The following INPP5A variants were observed in gnomAD, a reference collection of about 807,000 sequenced individuals.
INPP5A encodes the protein inositol polyphosphate-5-phosphatase A, also known as 43 kDa inositol polyphosphate 5-phophatase.
In INPP5A, 14 loss-of-function variants were observed where a neutral mutation model predicts 65.2. The observed-to-expected ratio is 0.21, with a 90% confidence interval of 0.14 to 0.34. The LOEUF (loss-of-function observed/expected upper bound fraction) is 0.34. Ranked by LOEUF, INPP5A falls within the 10% of genes least tolerant of loss-of-function variation. The pLI is 1.00. For synonymous variants in INPP5A, 207 were observed against 208.3 expected, an observed-to-expected ratio of 0.99 and a Z score of 0.05; for missense variants, 431 against 545.6, an observed-to-expected ratio of 0.79 and a Z score of 2.09.
intron 1 of INPP5A, among the ~76,000 whole-genome samples, chr10:132,552,273 G>A (rs1314222002): frequency 7.0e-6 from 1 of 143,694 alleles, no homozygotes; most frequent in Non-Finnish European, 1.5e-5. Context: ...CATATTGAGT[G>A]GGATAGGGAG....
intron 12 of INPP5A, among the ~76,000 whole-genome samples, chr10:132,767,685 G>A (rs1036269001): frequency 6.6e-6 from 1 of 152,080 alleles, no homozygotes; most frequent in African/African-American, 2.4e-5. Flanking sequence ...AGAGCCCCTC[G>A]CGCCCAGTGG....
chr10:132,699,380 G>A (rs951235228), intron 6 of INPP5A, among the ~76,000 whole-genome samples: 4 of 151,750 alleles, frequency 2.6e-5, no homozygotes, highest in African/African-American at 9.7e-5. Flanking sequence ...GGCTGGGCTG[G>A]GCAGGGCCAG....
chr10:132,650,362 T>C lies in INPP5A; in HGVS notation c.219-56T>C. ...CCTCTTATACCTTGTGGTCATCTCA[T>C]GAGGTGCAAGGCGTCTGTGTGGCTT... On this transcript the variant is annotated intron_variant, in intron 3 of 15. Transcript: ENST00000368594. This position sits in a 1 kb window ranked among gnomAD's most constrained non-coding sequence, Gnocchi z 5.5. The C allele has an allele frequency of 8.4e-7, 1 of 1,196,650 alleles. No homozygotes were observed. Among genetic ancestry groups the C allele is most frequent in the Non-Finnish European group, 1.2e-6 (1 of 800,558 alleles). The allele number at this position is 1,196,650 out of a possible 1,614,324, so 74.1% of individuals were successfully genotyped here.
At chr10:132,571,292 C>T (rs1371909387) in intron 1 of INPP5A, among the ~76,000 whole-genome samples, 1 of 152,250 alleles carries the variant, frequency 6.6e-6, no homozygotes, top group Non-Finnish European at 1.5e-5. Context: ...GGAGGAGGGC[C>T]ATTGGCGCAA....
chr10:132,658,647 G>A (rs1259265585), intron 4 of INPP5A, among the ~76,000 whole-genome samples: 1 of 152,158 alleles, frequency 6.6e-6, no homozygotes, highest in Non-Finnish European at 1.5e-5. Flanking sequence ...GGCCCCCCGG[G>A]GGTGCTCATG....
Position 132,650,986 on chromosome 10 carries a change from G to C in INPP5A, c.306+481G>C, listed in dbSNP as rs547686819. Among the ~76,000 whole-genome samples the C allele has an allele frequency of 2.2e-3, 329 of 152,276 alleles. No individual in the cohort carries two copies. The highest frequency in any genetic ancestry group is 3.3e-3 in the Non-Finnish European group (226 of 67,994). On this transcript the variant is annotated intron_variant, in intron 4 of 15. Coordinates refer to ENST00000368594, the MANE Select transcript of INPP5A (RefSeq NM_005539.5). The surrounding 1 kb of genome is among the most constrained non-coding windows in gnomAD (Gnocchi z 5.5). The stretch of plus-strand genomic sequence containing the variant: ...AGGCTGTTCCTCAGGGTGAGCACAG[G>C]GGGAGTGGGACAGAGCCTTCCACAG...
intron 4 of INPP5A, among the ~76,000 whole-genome samples, chr10:132,684,469 C>T (rs1047600637): frequency 4.6e-5 from 7 of 152,104 alleles, no homozygotes; most frequent in Admixed American, 4.6e-4. Flanking sequence ...CATGTGTGTG[C>T]ATGGATGTGT....
intron 12 of INPP5A, among the ~76,000 whole-genome samples, chr10:132,774,366 T>C (rs771374568): frequency 6.6e-6 from 1 of 152,142 alleles, no homozygotes; most frequent in Non-Finnish European, 1.5e-5. Context: ...GGCGTGGTAA[T>C]TGGTTAATAT....
intron 1 of INPP5A, among the ~76,000 whole-genome samples, chr10:132,607,324 C>T (rs1050302541): frequency 6.6e-6 from 1 of 152,204 alleles, no homozygotes; most frequent in Admixed American, 6.5e-5. Context: ...CGTGTGTGCA[C>T]GCCTGTGGCA....
intron 2 of INPP5A, 65 bp from the exon 3 acceptor site, chr10:132,645,803 G>C (rs995104353): frequency 2.4e-6 from 3 of 1,270,368 alleles, no homozygotes; most frequent in African/African-American, 2.9e-5. Flanking sequence ...GGTGGAGGGG[G>C]TGGTGCCACG....
At chr10:132,750,593 G>C (rs1021241588) in intron 11 of INPP5A, among the ~76,000 whole-genome samples, 9 of 152,264 alleles carry the variant, frequency 5.9e-5, no homozygotes, top group Non-Finnish European at 1.5e-5. Context: ...CATTTTTAAT[G>C]TATTTACAAA....
intron 1 of INPP5A, among the ~76,000 whole-genome samples, chr10:132,564,411 G>C (rs2071247208): frequency 6.6e-6 from 1 of 152,074 alleles, no homozygotes; most frequent in African/African-American, 2.4e-5. Flanking sequence ...CTGCTCAATG[G>C]GTGAGTGACA....
Position 132,549,596 on chromosome 10 carries a change from C to T in INPP5A, c.75+11425C>T, listed in dbSNP as rs1370071145. 2.0e-5 allele frequency among the ~76,000 whole-genome samples: 3 copies of T among 152,250 alleles called. No individual in the cohort carries two copies. Among genetic ancestry groups the T allele is most frequent in the South Asian group, 2.1e-4 (1 of 4,836 alleles). ...TGCGAGGCCTCTGCTACGAGGCTCC[C>T]GCTTGCCTGGCAGGTGGCAGGTGTG... On this transcript the variant is annotated intron_variant, in intron 1 of 15. Coordinates refer to ENST00000368594, the MANE Select transcript of INPP5A (RefSeq NM_005539.5). The surrounding 1 kb of genome is among the most constrained non-coding windows in gnomAD (Gnocchi z 4.9).
chr10:132,599,100 C>T (rs1274716424), intron 1 of INPP5A, among the ~76,000 whole-genome samples: 1 of 152,200 alleles, frequency 6.6e-6, no homozygotes, highest in East Asian at 1.9e-4. Context: ...CATGTCCTCA[C>T]ATTTCAAAAC....
chr10:132,546,498 G>A lies in INPP5A; in HGVS notation c.75+8327G>A, dbSNP rs2133247154. Among the ~76,000 whole-genome samples the A allele has an allele frequency of 6.6e-6, 1 of 152,176 alleles. No individual in the cohort carries two copies. The highest frequency in any genetic ancestry group is 1.9e-4 in the East Asian group (1 of 5,162). ...ACAGGAGTGTGAGACTCCTCTTCAG[G>A]GGTTGCTGGGGACCAGCTGGTTGCT... On this transcript the variant is annotated intron_variant, in intron 1 of 15. Transcript: ENST00000368594. The surrounding 1 kb of genome is among the most constrained non-coding windows in gnomAD (Gnocchi z 5.7).
rs1177538266 is a variant in INPP5A, at chr10:132,783,393, C to T, written c.*1364C>T. 1 of 152,218 alleles carries T rather than the reference C, an allele frequency of 6.6e-6. No individual in the cohort carries two copies. The highest frequency in any genetic ancestry group is 6.6e-5 in the Admixed American group (1 of 15,260). The allele number at this position is 152,218 out of a possible 1,614,324, so 9.4% of individuals were successfully genotyped here. On this transcript the variant is annotated 3_prime_UTR_variant, in exon 16 of 16. Transcript: ENST00000368594. ...CCGCGGTTCAACACGGAGTCCGCCCCGCGGGTTTCAGCTGTTGGTCGTTCT... is the reference window on the plus strand; with the variant it reads ...CCGCGGTTCAACACGGAGTCCGCCCTGCGGGTTTCAGCTGTTGGTCGTTCT...
intron 9 of INPP5A, among the ~76,000 whole-genome samples, chr10:132,730,983 C>T (rs1448677933): frequency 2.0e-5 from 3 of 152,210 alleles, no homozygotes; most frequent in African/African-American, 4.8e-5. Context: ...GGGGCTACCA[C>T]GGGGGAGGAA....
Position 132,723,693 on chromosome 10 carries a change from T to C in INPP5A, c.648-3128T>C, listed in dbSNP as rs1845934405. On this transcript the variant is annotated intron_variant, in intron 8 of 15. Coordinates refer to ENST00000368594, the MANE Select transcript of INPP5A (RefSeq NM_005539.5). ...GGATTGGCCGTGTGGGGATTGGCCA[T>C]GTGGGGATGGCTTTGGTATCTTGTG... Among the ~76,000 whole-genome samples the C allele has an allele frequency of 2.0e-5, 3 of 151,926 alleles. No homozygotes were observed. The South Asian group carries it at 6.2e-4, about 32-fold the overall frequency.
chr10:132,709,519 T>C (rs1379165878), intron 7 of INPP5A, among the ~76,000 whole-genome samples: 1 of 151,962 alleles, frequency 6.6e-6, no homozygotes, highest in Non-Finnish European at 1.5e-5. Flanking sequence ...TTGCTGTTGG[T>C]CACAGGGAAC....
Sources: gnomAD v4.1 joint callset for allele counts (sites outside exome capture counted in the v4.1 genomes callset) on GRCh38, gnomAD v4.1.1 for gene constraint, Gnocchi (gnomAD v3.1) non-coding constraint, MANE v1.5 for transcripts, NCBI Gene and HGNC (gene_info 2026-07-23, HGNC 2026-07-21) for gene names.